CACNA1D: variants seen among roughly 807,000 people sequenced by gnomAD.
CACNA1D encodes the protein voltage-dependent L-type calcium channel subunit alpha-1D.
In CACNA1D, 55 loss-of-function variants were observed where a neutral mutation model predicts 257.1. The ratio of observed to expected loss-of-function variants is 0.21; its 90% CI spans 0.17 to 0.27. The LOEUF is 0.27. CACNA1D is among the 10% of genes least tolerant of loss of function. CACNA1D has a pLI of 1.00. For synonymous variants in CACNA1D, 980 were observed against 1,014.9 expected, an observed-to-expected ratio of 0.97 and a Z score of 0.65; for missense variants, 1,876 against 2,784.0, an observed-to-expected ratio of 0.67 and a Z score of 7.34.
At chr3:53,784,625 T>C (rs2109093804) in intron 39 of CACNA1D, among the ~76,000 whole-genome samples, 1 of 152,230 alleles carries the variant, frequency 6.6e-6, no homozygotes, top group Non-Finnish European at 1.5e-5. Flanking sequence ...GAATGGGGTG[T>C]GGGTCTTCTT....
chr3:53,669,318 A>G (rs1303837338), intron 7 of CACNA1D, among the ~76,000 whole-genome samples: 1 of 152,272 alleles, frequency 6.6e-6, no homozygotes, highest in Non-Finnish European at 1.5e-5. Flanking sequence ...GCAGGCACTC[A>G]ATAAACACAA....
intron 30 of CACNA1D, among the ~76,000 whole-genome samples, chr3:53,764,563 G>T (rs73841001): frequency 2.0e-5 from 3 of 152,158 alleles, no homozygotes; most frequent in Non-Finnish European, 4.4e-5. Flanking sequence ...GCTTTCTCAC[G>T]CCTGACCTGC....
At chr3:53,738,688 A>T (rs1172366858) in intron 20 of CACNA1D, among the ~76,000 whole-genome samples, 1 of 152,092 alleles carries the variant, frequency 6.6e-6, no homozygotes, top group Non-Finnish European at 1.5e-5. Context: ...AGATGTACAT[A>T]TGTGTATGAG....
intron 3 of CACNA1D, among the ~76,000 whole-genome samples, chr3:53,641,229 G>A (rs12486415): frequency 0.21 from 31,795 of 151,966 alleles, 3,722 homozygotes; most frequent in East Asian, 0.41. Context: ...AGAGGTCCTC[G>A]GGGATGCCAG....
chr3:53,564,517 G>T (rs986065798), intron 3 of CACNA1D, among the ~76,000 whole-genome samples: 11 of 152,174 alleles, frequency 7.2e-5, no homozygotes, highest in African/African-American at 2.7e-4. Context: ...ATACATGATA[G>T]AAATGTTTTT....
chr3:53,690,322 C>G (rs1374370538), intron 8 of CACNA1D, among the ~76,000 whole-genome samples: 1 of 152,150 alleles, frequency 6.6e-6, no homozygotes, highest in Non-Finnish European at 1.5e-5. Context: ...TTTGTTTTCT[C>G]TTCCTGAAAT....
At chr3:53,594,135 G>A (rs986669681) in intron 3 of CACNA1D, among the ~76,000 whole-genome samples, 4 of 152,178 alleles carry the variant, frequency 2.6e-5, no homozygotes, top group South Asian at 2.1e-4. Context: ...AATGGGAGAC[G>A]CCCTTGAACA....
intron 29 of CACNA1D, among the ~76,000 whole-genome samples, chr3:53,758,398 G>A (rs775749145): frequency 6.6e-6 from 1 of 152,160 alleles, no homozygotes; most frequent in Non-Finnish European, 1.5e-5. Flanking sequence ...GCAGCAAAAG[G>A]AATCTGAACT....
intron 8 of CACNA1D, among the ~76,000 whole-genome samples, chr3:53,691,151 T>G (rs1351024509): frequency 7.0e-6 from 1 of 143,604 alleles, no homozygotes; most frequent in Non-Finnish European, 1.5e-5. Flanking sequence ...GAATACCTCT[T>G]TTTTTTTTTT....
In CACNA1D at chr3:53,686,966, A is replaced by G. The variant is rs1008272886; in HGVS notation, c.1220+13840A>G. ...TGACAGGATACAAAGTCAGTATACA[A>G]AATTCCATTTTATTCCTGTATACAA... On this transcript the variant is annotated intron_variant, in intron 8 of 47. Transcript: ENST00000350061. 2.0e-5 allele frequency among the ~76,000 whole-genome samples: 3 copies of G among 152,066 alleles called. No individual in the cohort carries two copies. In the East Asian group the frequency reaches 5.8e-4, roughly 29 times the overall value.
Position 53,793,132 on chromosome 3 carries a change from C to G in CACNA1D, c.4923+6180C>G, listed in dbSNP as rs1007911909. Among the ~76,000 whole-genome samples the G allele has an allele frequency of 3.3e-5, 5 of 152,220 alleles. No homozygotes were observed. Among genetic ancestry groups the G allele is most frequent in the Non-Finnish European group, 5.9e-5 (4 of 68,034 alleles). On this transcript the variant is annotated intron_variant, in intron 40 of 47. Coordinates refer to ENST00000350061, the MANE Select transcript of CACNA1D (RefSeq NM_001128840.3). This position sits in a 1 kb window ranked among gnomAD's most constrained non-coding sequence, Gnocchi z 4.1. ...TTACCCTAGCACCTGAGTCTCCTTC[C>G]CCACTGCCAGCAGCCCAGCCCCTCC...
chr3:53,734,736 C>T (rs1004000049), intron 19 of CACNA1D, among the ~76,000 whole-genome samples: 3 of 152,100 alleles, frequency 2.0e-5, no homozygotes, highest in Non-Finnish European at 4.4e-5. Context: ...AAATGATGCT[C>T]CAACCTTCAC....
intron 3 of CACNA1D, among the ~76,000 whole-genome samples, chr3:53,596,956 C>A (rs1228233955): frequency 6.6e-6 from 1 of 152,110 alleles, no homozygotes; most frequent in Non-Finnish European, 1.5e-5. Flanking sequence ...GAGAACTGGA[C>A]CATGTGACTT....
At chr3:53,641,562 T>C (rs1482415853) in intron 3 of CACNA1D, among the ~76,000 whole-genome samples, 1 of 152,026 alleles carries the variant, frequency 6.6e-6, no homozygotes, top group Non-Finnish European at 1.5e-5. Flanking sequence ...AAGTGGGCAG[T>C]GCCTTAGAGG....
intron 3 of CACNA1D, among the ~76,000 whole-genome samples, chr3:53,636,902 G>T (rs182187636): frequency 6.6e-6 from 1 of 152,136 alleles, no homozygotes; most frequent in Non-Finnish European, 1.5e-5. Context: ...TTCATTCAAC[G>T]GTTAAGGTGA....
At chr3:53,707,901 A>G (rs2094708321) in intron 9 of CACNA1D, among the ~76,000 whole-genome samples, 1 of 152,234 alleles carries the variant, frequency 6.6e-6, no homozygotes, top group Non-Finnish European at 1.5e-5. Context: ...ATGATTAATA[A>G]TTCCTCTAAG....
chr3:53,771,984 G>T (rs2095368841), intron 32 of CACNA1D, among the ~76,000 whole-genome samples: 1 of 152,208 alleles, frequency 6.6e-6, no homozygotes, highest in Admixed American at 6.5e-5. Context: ...TTTCTGACAA[G>T]CTCTCTCGGA....
chr3:53,768,198 C>A (rs2108989292), intron 30 of CACNA1D, among the ~76,000 whole-genome samples: 1 of 152,340 alleles, frequency 6.6e-6, no homozygotes, highest in Admixed American at 6.5e-5. Context: ...GGTCTTAGGC[C>A]AGACTGTGGC....
At chr3:53,619,856 T>C (rs2093677056) in intron 3 of CACNA1D, among the ~76,000 whole-genome samples, 1 of 152,202 alleles carries the variant, frequency 6.6e-6, no homozygotes, top group African/African-American at 2.4e-5. Context: ...CTAGGACACA[T>C]GCGTCTTTAT....
Sources: gnomAD v4.1 joint callset for allele counts (sites outside exome capture counted in the v4.1 genomes callset) on GRCh38, gnomAD v4.1.1 for gene constraint, Gnocchi (gnomAD v3.1) non-coding constraint, MANE v1.5 for transcripts, NCBI Gene and HGNC (gene_info 2026-07-23, HGNC 2026-07-21) for gene names.